The following AUTS2 variants were observed in gnomAD, a reference collection of about 807,000 sequenced individuals.
AUTS2 encodes autism susceptibility gene 2 protein.
AUTS2 carries 17 observed loss-of-function variants against 112.4 expected under a neutral mutation model. The ratio of observed to expected loss-of-function variants is 0.15; its 90% CI spans 0.10 to 0.23. The LOEUF (loss-of-function observed/expected upper bound fraction) is 0.23, where lower values mean the gene tolerates loss of function less well. Among genes scored for constraint, AUTS2 ranks in the 10% least tolerant of loss-of-function variants. The probability of loss-of-function intolerance (pLI) is 1.00; values close to 1 mark genes in which losing one functional copy is unlikely to be tolerated. For missense variants in AUTS2, 1,510 were observed against 1,701.6 expected, an observed-to-expected ratio of 0.89 and a Z score of 1.98; for synonymous variants, 751 against 702.7, an observed-to-expected ratio of 1.07 and a Z score of -1.09.
chr7:70,755,013 T>C (rs1401491255), intron 6 of AUTS2, among the ~76,000 whole-genome samples: 3 of 152,206 alleles, frequency 2.0e-5, no homozygotes, highest in Non-Finnish European at 4.4e-5. Context: ...GTATTTTTGT[T>C]TTTGTTTTGT....
chr7:69,667,350 G>GTTTTT (rs58991076), intron 1 of AUTS2, among the ~76,000 whole-genome samples: 3 of 134,436 alleles, frequency 2.2e-5, no homozygotes, highest in Admixed American at 7.4e-5. Flanking sequence ...GTTTTGTTGT[G>GTTTTT]TTTTTTTTTT....
At chr7:70,614,849 C>T (rs190448788) in intron 5 of AUTS2, among the ~76,000 whole-genome samples, 3 of 152,358 alleles carry the variant, frequency 2.0e-5, no homozygotes. Flanking sequence ...CTTCCCCTGG[C>T]TGGTCGGCAG....
intron 1 of AUTS2, among the ~76,000 whole-genome samples, chr7:69,704,908 C>G (rs505949): frequency 0.61 from 92,741 of 151,924 alleles, 28,719 homozygotes; most frequent in East Asian, 0.7. Context: ...GTTCTGTCAC[C>G]CAGGCTAGAG....
intron 5 of AUTS2, among the ~76,000 whole-genome samples, chr7:70,445,764 T>A (rs571469102): frequency 2.6e-5 from 4 of 152,208 alleles, no homozygotes; most frequent in Non-Finnish European, 5.9e-5. Flanking sequence ...TGTAAACATT[T>A]AATATTTTAT....
chr7:70,769,578 G>A (rs559478708), intron 10 of AUTS2, among the ~76,000 whole-genome samples: 5 of 152,118 alleles, frequency 3.3e-5, no homozygotes, highest in African/African-American at 4.8e-5. Flanking sequence ...CCAGCTACTC[G>A]GGAGGCTGAG....
intron 4 of AUTS2, among the ~76,000 whole-genome samples, chr7:70,429,451 G>C (rs1344173538): frequency 6.6e-6 from 1 of 152,230 alleles, no homozygotes; most frequent in Non-Finnish European, 1.5e-5. Context: ...GTGAATGTCA[G>C]GCTTTTAGGT....
chr7:70,300,302 T>C (rs1789150221), intron 4 of AUTS2, among the ~76,000 whole-genome samples: 1 of 152,212 alleles, frequency 6.6e-6, no homozygotes, highest in African/African-American at 2.4e-5. Context: ...ACAAATTTGT[T>C]GGGCCACATT....
At chr7:69,728,460 C>G (rs1786624653) in intron 1 of AUTS2, among the ~76,000 whole-genome samples, 2 of 152,116 alleles carry the variant, frequency 1.3e-5, no homozygotes, top group Admixed American at 6.5e-5. Flanking sequence ...TCTAGAAGTG[C>G]CTGTGTGGGT....
chr7:70,325,413 C>G (rs1790442411), intron 4 of AUTS2, among the ~76,000 whole-genome samples: 1 of 152,158 alleles, frequency 6.6e-6, no homozygotes, highest in South Asian at 2.1e-4. Flanking sequence ...AACCCACTCT[C>G]CTAAACAATA....
intron 6 of AUTS2, among the ~76,000 whole-genome samples, chr7:70,755,264 CT>C (rs57884970): frequency 0.08 from 11,696 of 145,574 alleles, 547 homozygotes; most frequent in Middle Eastern, 0.17. Context: ...ACCCTTTTAA[CT>C]TTTTTTTTTT....
intron 4 of AUTS2, among the ~76,000 whole-genome samples, chr7:70,344,062 G>A (rs1471996086): frequency 1.3e-5 from 2 of 152,124 alleles, no homozygotes; most frequent in Non-Finnish European, 2.9e-5. Flanking sequence ...CACTTTGAGG[G>A]TCGTGCAGGT....
At chr7:69,674,457 T>C (rs890042013) in intron 1 of AUTS2, among the ~76,000 whole-genome samples, 1 of 152,150 alleles carries the variant, frequency 6.6e-6, no homozygotes, top group African/African-American at 2.4e-5. Context: ...ATGGAGATGA[T>C]TGGAGTCTCC....
In AUTS2 at chr7:70,747,631, G is replaced by GTTTTGT. The variant is rs530024962; in HGVS notation, c.743-15211_743-15206dup. Among the ~76,000 whole-genome samples, 1,052 of 151,690 alleles carry GTTTTGT rather than the reference G, an allele frequency of 6.9e-3. 12 individuals carry two copies. Among genetic ancestry groups the GTTTTGT allele is most frequent in the African/African-American group, 0.022 (901 of 41,198 alleles). ...CCACCACCACACCTGGCTATGTTTT[G>GTTTTGT]TTTTGTTTTTGTTTTTGTTTTTGTT... is the stretch of plus-strand genomic sequence containing the variant. On this transcript the variant is annotated intron_variant, in intron 6 of 18. Coordinates refer to ENST00000342771, the MANE Select transcript of AUTS2 (RefSeq NM_015570.4).
At chr7:70,765,475 A>T (rs1371591836) in intron 8 of AUTS2, among the ~76,000 whole-genome samples, 1 of 152,088 alleles carries the variant, frequency 6.6e-6, no homozygotes, top group Non-Finnish European at 1.5e-5. Flanking sequence ...GTGACAATAT[A>T]TCCCAGAATT....
chr7:70,574,667 T>C (rs533697936), intron 5 of AUTS2, among the ~76,000 whole-genome samples: 52 of 152,336 alleles, frequency 3.4e-4, no homozygotes, highest in African/African-American at 1.2e-3. Flanking sequence ...GAATTAGGAC[T>C]GTCTCCTGCC....
chr7:69,725,335 TAAGA>T (rs897496563), intron 1 of AUTS2, among the ~76,000 whole-genome samples: 1 of 152,134 alleles, frequency 6.6e-6, no homozygotes, highest in Non-Finnish European at 1.5e-5. Context: ...TAGATGGCTG[TAAGA>T]ATGTGATGGG....
At chr7:69,905,632 G>C (rs970749695) in intron 2 of AUTS2, among the ~76,000 whole-genome samples, 7 of 152,112 alleles carry the variant, frequency 4.6e-5, no homozygotes, top group African/African-American at 1.7e-4. Context: ...TGATTGCATG[G>C]TGCCTGCCCA....
chr7:69,997,548 T>C (rs578202836), intron 2 of AUTS2, among the ~76,000 whole-genome samples: 1 of 152,292 alleles, frequency 6.6e-6, no homozygotes, highest in Admixed American at 6.5e-5. Context: ...CTGCATGCTA[T>C]ACAAGCATAG....
chr7:69,630,898 T>C (rs1310198381), intron 1 of AUTS2, among the ~76,000 whole-genome samples: 1 of 152,154 alleles, frequency 6.6e-6, no homozygotes, highest in East Asian at 1.9e-4. Context: ...AATGATAATA[T>C]TGTATTTTCT....
Sources: gnomAD v4.1 joint callset for allele counts (sites outside exome capture counted in the v4.1 genomes callset) on GRCh38, gnomAD v4.1.1 for gene constraint, MANE v1.5 for transcripts, NCBI Gene and HGNC (gene_info 2026-07-23, HGNC 2026-07-21) for gene names.